Variants in CD302 observed in about 807,000 individuals in gnomAD.
CD302 encodes the protein CD302 molecule, also known as CD302 antigen.
In CD302, 23 loss-of-function variants were observed where a neutral mutation model predicts 26.5. That is an observed-to-expected ratio of 0.87 (90% CI 0.62 to 1.23). The LOEUF (loss-of-function observed/expected upper bound fraction) is 1.23. Among genes scored for constraint, CD302 ranks in the 50% most tolerant of loss-of-function variants. CD302 has a pLI of 0.00. For missense variants in CD302, 290 were observed against 275.5 expected (o/e 1.05, Z -0.37); for synonymous variants, 90 against 99.4 (o/e 0.91, Z 0.56).
intron 5 of CD302, among the ~76,000 whole-genome samples, chr2:159,776,291 GTGGA>G (rs1708321850): frequency 1.3e-5 from 2 of 152,170 alleles, no homozygotes; most frequent in South Asian, 4.1e-4. Context: ...CCCTTCATCA[GTGGA>G]CACTTGGGTT....
At chr2:159,792,269 A>G (rs1708826254) in intron 1 of CD302, among the ~76,000 whole-genome samples, 1 of 152,178 alleles carries the variant, frequency 6.6e-6, no homozygotes, top group Non-Finnish European at 1.5e-5. Context: ...CATGGCAGGT[A>G]GCTTCCCCCA....
At chr2:159,773,976 C>G (rs1026270519) in intron 5 of CD302, among the ~76,000 whole-genome samples, 2 of 152,056 alleles carry the variant, frequency 1.3e-5, no homozygotes, top group Non-Finnish European at 2.9e-5. Flanking sequence ...CCCATTTAAT[C>G]CATTTTCTCA....
chr2:159,771,908 AT>A lies in CD302; in HGVS notation c.641del (p.Asn214MetfsTer7), dbSNP rs1388122328. On this transcript the variant is annotated frameshift_variant, in exon 6 of 6. Coordinates refer to ENST00000259053, the MANE Select transcript of CD302 (RefSeq NM_014880.5). LOFTEE classifies it high-confidence loss of function. ...CTCCAACTACCAAAACACAGTCTTCATTATAAGGTGATTGGGGTGCGGTTGA... is the reference window on the plus strand; with the variant it reads ...CTCCAACTACCAAAACACAGTCTTCATATAAGGTGATTGGGGTGCGGTTGA... ...VFSTAPQSPY[N>X]EDCVLVVGEE... 4 of 1,613,928 alleles carry A rather than the reference AT, an allele frequency of 2.5e-6. No homozygotes were observed. In the African/African-American group the frequency reaches 5.3e-5, roughly 22 times the overall value.
At chr2:159,779,219 A>G (rs1156680949) in intron 4 of CD302, among the ~76,000 whole-genome samples, 1 of 122,060 alleles carries the variant, frequency 8.2e-6, no homozygotes, top group Non-Finnish European at 1.6e-5. Flanking sequence ...CGACAGAGAG[A>G]GACTGCATCG....
intron 1 of CD302, among the ~76,000 whole-genome samples, chr2:159,786,637 T>C (rs746716630): frequency 2.0e-5 from 3 of 152,132 alleles, no homozygotes; most frequent in Non-Finnish European, 2.9e-5. Flanking sequence ...CCCGGCCAAG[T>C]TTCTTACATA....
chr2:159,785,079 A>AT (rs963089119), intron 1 of CD302, among the ~76,000 whole-genome samples: 2 of 148,182 alleles, frequency 1.3e-5, no homozygotes, highest in African/African-American at 5.0e-5. Context: ...GGCTCAAGTG[A>AT]TTCTTGTGCC....
In CD302 at chr2:159,771,881, T is replaced by G; in HGVS notation, c.669A>C (p.Glu223Asp). The G allele has an allele frequency of 6.2e-7, 1 of 1,613,994 alleles. No individual in the cohort carries two copies. Among genetic ancestry groups the G allele is most frequent in the East Asian group, 2.2e-5 (1 of 44,858 alleles). ...YNEDCVLVVG[E>D]ENEYPVQFD Reference sequence around the variant, plus strand: ...CAAATTGAACAGGATATTCATTTTCTTCTCCAACTACCAAAACACAGTCTT... The same window carrying G: ...CAAATTGAACAGGATATTCATTTTCGTCTCCAACTACCAAAACACAGTCTT... Residue 223 changes from glutamate to aspartate, a missense_variant, in exon 6 of 6, where the codon GAA becomes GAC. By Grantham distance (45) the Glu-to-Asp change is conservative. Transcript: ENST00000259053.
At chr2:159,777,552 A>C (rs80268774) in intron 5 of CD302, among the ~76,000 whole-genome samples, 2,499 of 152,346 alleles carry the variant, frequency 0.016, 26 homozygotes, top group Non-Finnish European at 0.026. Context: ...GTCCAAAAGA[A>C]GATGTGGGAG....
chr2:159,784,194 C>G (rs1708599396), intron 1 of CD302, among the ~76,000 whole-genome samples: 3 of 152,052 alleles, frequency 2.0e-5, no homozygotes, highest in South Asian at 4.1e-4. Flanking sequence ...GTTGATTTCA[C>G]TGGCCAAAAT....
At chr2:159,798,039 C>T in intron 1 of CD302, 93 bp downstream of exon 1, 3 of 1,237,212 alleles carry the variant, frequency 2.4e-6, no homozygotes, top group Non-Finnish European at 3.3e-6. Flanking sequence ...GTCTGCGGGC[C>T]GCCCTCGGGT....
Position 159,771,621 on chromosome 2 carries a change from C to T in CD302, c.*230G>A. 5 of 432,674 alleles carry T rather than the reference C, an allele frequency of 1.2e-5. No homozygotes were observed. The highest frequency in any genetic ancestry group is 3.1e-5 in the South Asian group (1 of 32,198). The allele number at this position is 432,674 out of a possible 1,614,324, so 26.8% of individuals were successfully genotyped here. A position where few individuals can be genotyped will look rare whatever the true frequency, so the allele number is the denominator to read the frequency against. ...CCTTCATTCAAGTGACAGATTCTGC[C>T]TTTGACGGGATGCTTAAAATCACTA... is the stretch of plus-strand genomic sequence containing the variant. On this transcript the variant is annotated 3_prime_UTR_variant, in exon 6 of 6. Transcript: ENST00000259053.
intron 2 of CD302, 52 bp downstream of exon 2, chr2:159,783,307 A>T: frequency 7.1e-7 from 1 of 1,413,690 alleles, no homozygotes; most frequent in Non-Finnish European, 9.5e-7. Context: ...AAATTAATGA[A>T]CACTGTTCAC....
At chr2:159,772,972 T>TAAAG (rs1345821787) in intron 5 of CD302, among the ~76,000 whole-genome samples, 1 of 152,098 alleles carries the variant, frequency 6.6e-6, no homozygotes, top group Non-Finnish European at 1.5e-5. Context: ...AATTTGGTAG[T>TAAAG]AAAGATTTGG....
At chr2:159,785,388 A>G (rs1008980386) in intron 1 of CD302, among the ~76,000 whole-genome samples, 2 of 152,174 alleles carry the variant, frequency 1.3e-5, no homozygotes, top group African/African-American at 4.8e-5. Context: ...ACTCTCCCAC[A>G]ATGCTGGCTT....
chr2:159,781,333 G>T (rs1708500337), intron 2 of CD302: 2 of 170,948 alleles, frequency 1.2e-5, no homozygotes, highest in South Asian at 2.8e-4. Flanking sequence ...TGGATCACCT[G>T]AGGTCAGGAG....
At chr2:159,778,998 G>A (rs1439017889) in intron 4 of CD302, among the ~76,000 whole-genome samples, 5 of 152,026 alleles carry the variant, frequency 3.3e-5, no homozygotes, top group Non-Finnish European at 1.5e-5. Flanking sequence ...TTGGGAGGCT[G>A]AGGTGGGCAG....
chr2:159,786,341 T>C (rs1292921811), intron 1 of CD302, among the ~76,000 whole-genome samples: 1 of 149,242 alleles, frequency 6.7e-6, no homozygotes, highest in Non-Finnish European at 1.5e-5. Flanking sequence ...TCTTTTTTTT[T>C]TTTTTTTTTT....
Position 159,769,594 on chromosome 2 carries a change from C to G in CD302, c.*2257G>C, listed in dbSNP as rs1708068338. On this transcript the variant is annotated 3_prime_UTR_variant, in exon 6 of 6. Transcript: ENST00000259053. ...CTGCAAGGCGGAGATTGGAGAGAGC[C>G]AAGATCGAGCCACTGCACTGTAGCC... is the stretch of plus-strand genomic sequence containing the variant. 6.6e-6 allele frequency: 1 copy of G among 152,016 alleles called. No homozygotes were observed. Among genetic ancestry groups the G allele is most frequent in the African/African-American group, 2.4e-5 (1 of 41,340 alleles). The allele number at this position is 152,016 out of a possible 1,614,324, so 9.4% of individuals were successfully genotyped here.
chr2:159,770,631 T>C lies in CD302; in HGVS notation c.*1220A>G, dbSNP rs1323684053. On this transcript the variant is annotated 3_prime_UTR_variant, in exon 6 of 6. Coordinates refer to ENST00000259053, the MANE Select transcript of CD302 (RefSeq NM_014880.5). ...ATACTTCAGTCAGTAATGGACCACATATAGAACAGTGTTTCCTTAGTAGAC... is the reference window on the plus strand; with the variant it reads ...ATACTTCAGTCAGTAATGGACCACACATAGAACAGTGTTTCCTTAGTAGAC... 1.3e-5 allele frequency: 2 copies of C among 152,174 alleles called. No individual in the cohort carries two copies. Among genetic ancestry groups the C allele is most frequent in the Non-Finnish European group, 1.5e-5 (1 of 68,008 alleles). The allele number at this position is 152,174 out of a possible 1,614,324, so 9.4% of individuals were successfully genotyped here. A position where few individuals can be genotyped will look rare whatever the true frequency, so the allele number is the denominator to read the frequency against.
Sources: allele counts gnomAD v4.1 joint callset (sites outside exome capture counted in the v4.1 genomes callset), GRCh38; gene constraint gnomAD v4.1.1; transcripts MANE v1.5; gene names NCBI Gene and HGNC (gene_info 2026-07-23, HGNC 2026-07-21).